Variants in EYA3 observed in about 807,000 individuals in gnomAD.
EYA3 encodes the protein EYA transcriptional coactivator and phosphatase 3.
EYA3 carries 39 observed loss-of-function variants against 80.0 expected under a neutral mutation model. The observed-to-expected ratio is 0.49, with a 90% CI of 0.38 to 0.64. The LOEUF is 0.64. Among genes scored for constraint, EYA3 ranks in the 30% least tolerant of loss-of-function variants. EYA3 has a pLI of 0.00. For missense variants in EYA3, 523 were observed against 676.1 expected (o/e 0.77, Z 2.51); for synonymous variants, 206 against 232.8 (o/e 0.88, Z 1.05).
In EYA3 at chr1:28,009,061, G is replaced by C. The variant is rs12143489; in HGVS notation, c.909+1886C>G. On this transcript the variant is annotated intron_variant, in intron 10 of 17. Transcript: ENST00000373871. The surrounding 1 kb of genome is among the most constrained non-coding windows in gnomAD (Gnocchi z 4.8). The stretch of plus-strand genomic sequence containing the variant: ...GCTGGTAAGAGTATAAAACCGTGCA[G>C]CCACAATGAAAAATAGTTTGGTGGT... Among the ~76,000 whole-genome samples the C allele has an allele frequency of 9.2e-3, 1,400 of 152,320 alleles. 10 individuals carry two copies. Among genetic ancestry groups the C allele is most frequent in the African/African-American group, 0.017 (701 of 41,564 alleles).
chr1:27,989,220 A>AT (rs1639868104), intron 15 of EYA3, among the ~76,000 whole-genome samples: 1 of 152,212 alleles, frequency 6.6e-6, no homozygotes, highest in Admixed American at 6.5e-5. Context: ...GTAATAGGGT[A>AT]TTGGTGCAGA....
chr1:28,003,891 C>A (rs1042295209), intron 11 of EYA3, among the ~76,000 whole-genome samples: 1 of 151,914 alleles, frequency 6.6e-6, no homozygotes, highest in Non-Finnish European at 1.5e-5. Flanking sequence ...AGGGATTAAT[C>A]TATTTTAGAA....
chr1:28,044,269 T>G (rs1024248325), intron 3 of EYA3, among the ~76,000 whole-genome samples: 3 of 152,244 alleles, frequency 2.0e-5, no homozygotes, highest in Non-Finnish European at 4.4e-5. Flanking sequence ...AAGTTCATAT[T>G]CTATTCTGCC....
intron 1 of EYA3, among the ~76,000 whole-genome samples, chr1:28,060,951 T>A (rs1295501892): frequency 1.3e-5 from 2 of 151,780 alleles, no homozygotes; most frequent in East Asian, 1.9e-4. Context: ...GAGGCGGAGG[T>A]TTCAGTGAGC....
At chr1:28,058,462 A>G (rs985289937) in intron 1 of EYA3, among the ~76,000 whole-genome samples, 3 of 152,242 alleles carry the variant, frequency 2.0e-5, no homozygotes, top group Admixed American at 1.3e-4. Context: ...GCAAGTTATG[A>G]TAACATCTAA....
At chr1:28,007,306 T>C (rs1303701234) in intron 10 of EYA3, among the ~76,000 whole-genome samples, 2 of 151,188 alleles carry the variant, frequency 1.3e-5, no homozygotes, top group African/African-American at 4.9e-5. Context: ...ATAAATAAAT[T>C]CAGATATCAG....
intron 1 of EYA3, among the ~76,000 whole-genome samples, chr1:28,073,127 A>ATATATATATATTTTTTTTTT (rs1553157671): frequency 1.3e-4 from 2 of 14,998 alleles, no homozygotes; most frequent in East Asian, 3.4e-3. Flanking sequence ...ATATATATAT[A>ATATATATATATTTTTTTTTT]TTTTTTTTTT....
At chr1:27,979,977 C>T (rs1385370018) in intron 16 of EYA3, among the ~76,000 whole-genome samples, 1 of 152,210 alleles carries the variant, frequency 6.6e-6, no homozygotes, top group Non-Finnish European at 1.5e-5. Context: ...CACTTCAAAA[C>T]AGACGGACTA....
At chr1:28,071,423 T>C (rs906176997) in intron 1 of EYA3, among the ~76,000 whole-genome samples, 2 of 152,216 alleles carry the variant, frequency 1.3e-5, no homozygotes, top group African/African-American at 2.4e-5. Flanking sequence ...TATACAGTAA[T>C]ATGCTCCTCC....
chr1:28,010,691 G>A (rs1260118521), intron 10 of EYA3: 1 of 384,866 alleles, frequency 2.6e-6, no homozygotes, highest in East Asian at 5.3e-5. Flanking sequence ...TTTAAATAGA[G>A]AACAGTATGA....
chr1:27,977,690 A>G (rs942500587), intron 17 of EYA3, among the ~76,000 whole-genome samples: 1 of 152,028 alleles, frequency 6.6e-6, no homozygotes, highest in Non-Finnish European at 1.5e-5. Flanking sequence ...TCTACTAAAA[A>G]TACAAAAATT....
At chr1:28,084,168 T>C (rs1218720095) in intron 1 of EYA3, among the ~76,000 whole-genome samples, 4 of 152,096 alleles carry the variant, frequency 2.6e-5, no homozygotes, top group Non-Finnish European at 5.9e-5. Flanking sequence ...CATACTTAAA[T>C]GGGAAAACAG....
chr1:28,086,745 T>C (rs903665819), intron 1 of EYA3, among the ~76,000 whole-genome samples: 1 of 152,008 alleles, frequency 6.6e-6, no homozygotes, highest in Non-Finnish European at 1.5e-5. Context: ...TTTTGAAGGA[T>C]GGAAAATAGG....
intron 1 of EYA3, among the ~76,000 whole-genome samples, chr1:28,086,581 T>C (rs753191202): frequency 3.3e-5 from 5 of 152,248 alleles, no homozygotes; most frequent in Admixed American, 6.5e-5. Flanking sequence ...TATTTTCTAT[T>C]GTTTTGAAGA....
intron 13 of EYA3, among the ~76,000 whole-genome samples, chr1:27,994,407 C>A (rs1463850072): frequency 6.6e-6 from 1 of 152,190 alleles, no homozygotes; most frequent in African/African-American, 2.4e-5. Context: ...TAATTGAGAA[C>A]TACCTCTGGG....
At position 28,042,718 on chromosome 1, in the gene EYA3, C is replaced by T; in HGVS notation, c.78-68G>A. 2.4e-6 allele frequency: 3 copies of T among 1,243,838 alleles called. No homozygotes were observed. The Middle Eastern group carries it at 5.6e-4, about 231-fold the overall frequency. The allele number at this position is 1,243,838 out of a possible 1,614,324, so 77.1% of individuals were successfully genotyped here. A position where few individuals can be genotyped will look rare whatever the true frequency, so the allele number is the denominator to read the frequency against. On this transcript the variant is annotated intron_variant, in intron 3 of 17. Transcript: ENST00000373871. ...CTGCATTGCTAAAAAGTGATGAGTTCAAACCCATTTCCTCCTAGGCTATAT... is the reference window on the plus strand; with the variant it reads ...CTGCATTGCTAAAAAGTGATGAGTTTAAACCCATTTCCTCCTAGGCTATAT...
In EYA3 at chr1:27,973,985, A is replaced by C. The variant is rs902862764; in HGVS notation, c.*481T>G. 5 of 152,732 alleles carry C rather than the reference A, an allele frequency of 3.3e-5. No homozygotes were observed. Among genetic ancestry groups the C allele is most frequent in the African/African-American group, 1.2e-4 (5 of 41,472 alleles). 9.5% of individuals were successfully genotyped at this position (152,732 alleles called of 1,614,324 possible). A position where few individuals can be genotyped will look rare whatever the true frequency, so the allele number is the denominator to read the frequency against. On this transcript the variant is annotated 3_prime_UTR_variant, in exon 18 of 18. Coordinates refer to ENST00000373871, the MANE Select transcript of EYA3 (RefSeq NM_001990.4). ...AAAAGTCTGCTGCATTTATCTGATCACCACAAGTTATCAGTAATTCTCAAT... is the reference window on the plus strand; with the variant it reads ...AAAAGTCTGCTGCATTTATCTGATCCCCACAAGTTATCAGTAATTCTCAAT...
intron 1 of EYA3, among the ~76,000 whole-genome samples, chr1:28,088,103 CGTG>C (rs770499298): frequency 3.3e-4 from 50 of 152,154 alleles, no homozygotes; most frequent in Non-Finnish European, 6.0e-4. Context: ...CTCAGTTTCT[CGTG>C]GTGAAGAGTG....
intron 7 of EYA3, among the ~76,000 whole-genome samples, chr1:28,024,526 G>A (rs185536871): frequency 6.6e-5 from 10 of 151,292 alleles, no homozygotes; most frequent in African/African-American, 2.4e-4. Context: ...GCGTGGTGGT[G>A]GGTGCCTCTA....
Sources: gnomAD v4.1 joint callset for allele counts (sites outside exome capture counted in the v4.1 genomes callset) on GRCh38, gnomAD v4.1.1 for gene constraint, Gnocchi (gnomAD v3.1) non-coding constraint, MANE v1.5 for transcripts, NCBI Gene and HGNC (gene_info 2026-07-23, HGNC 2026-07-21) for gene names.